The following TACR3 variants were observed in gnomAD, a reference collection of about 807,000 sequenced individuals.
The protein encoded by TACR3 is tachykinin receptor 3.
In TACR3, 34 loss-of-function variants were observed where a neutral mutation model predicts 35.0. That is an observed-to-expected ratio of 0.97 (90% CI 0.74 to 1.30). The LOEUF (loss-of-function observed/expected upper bound fraction) is 1.30, where lower values mean the gene tolerates loss of function less well. Among genes scored for constraint, TACR3 ranks in the 50% most tolerant of loss-of-function variants. The pLI is 0.00. For synonymous variants in TACR3, 233 were observed against 221.1 expected, an observed-to-expected ratio of 1.05 and a Z score of -0.48; for missense variants, 558 against 591.7, an observed-to-expected ratio of 0.94 and a Z score of 0.59.
At chr4:103,627,574 A>G (rs1266677504) in intron 3 of TACR3, among the ~76,000 whole-genome samples, 5 of 152,128 alleles carry the variant, frequency 3.3e-5, no homozygotes, top group Non-Finnish European at 5.9e-5. Flanking sequence ...TAAAGGGATC[A>G]ATTCATCAAG....
intron 1 of TACR3, among the ~76,000 whole-genome samples, chr4:103,707,543 G>C (rs1722822263): frequency 6.6e-6 from 1 of 152,086 alleles, no homozygotes; most frequent in Non-Finnish European, 1.5e-5. Flanking sequence ...GGCCAAATAG[G>C]AACAGCTCCA....
intron 1 of TACR3, among the ~76,000 whole-genome samples, chr4:103,703,058 T>A (rs972937868): frequency 5.9e-5 from 9 of 152,010 alleles, no homozygotes; most frequent in African/African-American, 2.2e-4. Flanking sequence ...TAATAAAAAA[T>A]AATAAAATAA....
intron 3 of TACR3, among the ~76,000 whole-genome samples, chr4:103,636,293 TAATC>T (rs751151014): frequency 6.6e-6 from 1 of 152,006 alleles, no homozygotes; most frequent in East Asian, 1.9e-4. Flanking sequence ...ATACAATTTT[TAATC>T]AATCAAAACA....
intron 1 of TACR3, among the ~76,000 whole-genome samples, chr4:103,683,470 C>CAAAAAAAAAAAAA (rs57761679): frequency 1.7e-3 from 35 of 21,142 alleles, no homozygotes; most frequent in Admixed American, 4.5e-3. Context: ...AAAGACTGAC[C>CAAAAAAAAAAAAA]AAAAAAAAAA....
intron 3 of TACR3, among the ~76,000 whole-genome samples, chr4:103,596,522 C>T (rs1453996031): frequency 6.6e-6 from 1 of 151,988 alleles, no homozygotes; most frequent in Non-Finnish European, 1.5e-5. Flanking sequence ...TTTCTAAATG[C>T]TTGGAATAAA....
intron 1 of TACR3, among the ~76,000 whole-genome samples, chr4:103,715,320 C>T (rs994490950): frequency 6.6e-6 from 1 of 152,064 alleles, no homozygotes; most frequent in East Asian, 1.9e-4. Flanking sequence ...TGATAGAGTT[C>T]TTGTGAGATC....
intron 3 of TACR3, among the ~76,000 whole-genome samples, chr4:103,653,622 A>G (rs924267283): frequency 6.6e-6 from 1 of 152,164 alleles, no homozygotes; most frequent in Non-Finnish European, 1.5e-5. Context: ...AATACCATTC[A>G]GGACATAGGC....
intron 1 of TACR3, among the ~76,000 whole-genome samples, chr4:103,675,746 TCATTTCCTCC>T (rs1166563580): frequency 6.6e-6 from 1 of 152,016 alleles, no homozygotes; most frequent in Admixed American, 6.6e-5. Flanking sequence ...GCCACTCTCA[TCATTTCCTCC>T]CATTTCCTCC....
chr4:103,710,467 G>C (rs1722918418), intron 1 of TACR3, among the ~76,000 whole-genome samples: 1 of 151,260 alleles, frequency 6.6e-6, no homozygotes, highest in Non-Finnish European at 1.5e-5. Flanking sequence ...CAACATACCA[G>C]AATCTCTGAG....
chr4:103,627,224 A>AGTT (rs1369520887), intron 3 of TACR3, among the ~76,000 whole-genome samples: 3 of 144,506 alleles, frequency 2.1e-5, no homozygotes, highest in Non-Finnish European at 4.5e-5. Context: ...TAGGTATTAA[A>AGTT]GTTGTGCTAA....
chr4:103,701,531 C>T (rs1034782069), intron 1 of TACR3, among the ~76,000 whole-genome samples: 1 of 152,114 alleles, frequency 6.6e-6, no homozygotes, highest in African/African-American at 2.4e-5. Flanking sequence ...ACTTTCTTCA[C>T]AGAATTGGAA....
chr4:103,674,187 G>T (rs1045802309), intron 1 of TACR3, among the ~76,000 whole-genome samples: 2 of 152,130 alleles, frequency 1.3e-5, no homozygotes, highest in African/African-American at 4.8e-5. Context: ...GTGAGGAACA[G>T]ATTTCAAAAA....
At chr4:103,685,367 G>T (rs1722206513) in intron 1 of TACR3, among the ~76,000 whole-genome samples, 1 of 152,078 alleles carries the variant, frequency 6.6e-6, no homozygotes, top group South Asian at 2.1e-4. Flanking sequence ...AACTCAAAAT[G>T]TATCATACAT....
At chr4:103,627,361 A>T (rs1188272833) in intron 3 of TACR3, among the ~76,000 whole-genome samples, 1 of 111,534 alleles carries the variant, frequency 9.0e-6, no homozygotes, top group Non-Finnish European at 1.9e-5. Flanking sequence ...TTAAAAAAAA[A>T]AAAAAAAAAA....
At chr4:103,654,960 G>A (rs1337359603) in intron 3 of TACR3, among the ~76,000 whole-genome samples, 1 of 152,114 alleles carries the variant, frequency 6.6e-6, no homozygotes, top group Non-Finnish European at 1.5e-5. Flanking sequence ...TTTAGGATTC[G>A]TTTGTAGGTG....
rs1725736298 is a variant in TACR3 at position 103,656,467 on chromosome 4, C to T, written c.738-123G>A. ...GAGTTATTTCTACATTATCTCTATA[C>T]ATTCATCTCAAAATTCCATCAAAAT... On this transcript the variant is annotated intron_variant, in intron 2 of 4. Coordinates refer to ENST00000304883, the MANE Select transcript of TACR3 (RefSeq NM_001059.3). 2.9e-5 allele frequency: 26 copies of T among 891,782 alleles called. No individual in the cohort carries two copies. In the South Asian group the frequency reaches 3.5e-4, roughly 12 times the overall value. The allele number at this position is 891,782 out of a possible 1,614,324, so 55.2% of individuals were successfully genotyped here. A position where few individuals can be genotyped will look rare whatever the true frequency, so the allele number is the denominator to read the frequency against.
At chr4:103,688,067 A>G (rs985641933) in intron 1 of TACR3, among the ~76,000 whole-genome samples, 6 of 152,224 alleles carry the variant, frequency 3.9e-5, no homozygotes, top group African/African-American at 4.8e-5. Flanking sequence ...TCAATGGAAC[A>G]GAACAGAGCC....
Position 103,609,072 on chromosome 4 carries a change from A to G in TACR3, c.889-17389T>C, listed in dbSNP as rs368896908. 1.5e-3 allele frequency among the ~76,000 whole-genome samples: 222 copies of G among 152,266 alleles called. 2 individuals carry two copies. In the East Asian group the frequency reaches 0.015, roughly 10 times the overall value. On this transcript the variant is annotated intron_variant, in intron 3 of 4. Transcript: ENST00000304883. ...CATATAAAATTGAAAGTGCTCAGAAATTGGGCTGCCTCTAGGGTGGCCAAA... is the reference window on the plus strand; with the variant it reads ...CATATAAAATTGAAAGTGCTCAGAAGTTGGGCTGCCTCTAGGGTGGCCAAA...
In TACR3 at chr4:103,621,439, A is replaced by T. The variant is rs548435902; in HGVS notation, c.889-29756T>A. Among the ~76,000 whole-genome samples, 9 of 152,320 alleles carry T rather than the reference A, an allele frequency of 5.9e-5. No homozygotes were observed. In the East Asian group the frequency reaches 1.7e-3, roughly 29 times the overall value. ...AAGGGTATTCATAAATTCAGATTTT[A>T]GATACTTTGAAGACAGTTTAGAATG... On this transcript the variant is annotated intron_variant, in intron 3 of 4. Transcript: ENST00000304883.
Sources: gnomAD v4.1 joint callset for allele counts (sites outside exome capture counted in the v4.1 genomes callset) on GRCh38, gnomAD v4.1.1 for gene constraint, MANE v1.5 for transcripts, NCBI Gene and HGNC (gene_info 2026-07-23, HGNC 2026-07-21) for gene names.